ZFP62: variants seen among roughly 807,000 people sequenced by gnomAD.
ZFP62 encodes the protein ZFP62 zinc finger protein.
In ZFP62, 44 loss-of-function variants were observed where a neutral mutation model predicts 56.4. The ratio of observed to expected loss-of-function variants is 0.78; its 90% CI spans 0.61 to 1.00. ZFP62 has a LOEUF of 1.00. Among genes scored for constraint, ZFP62 ranks in the 50% least tolerant of loss-of-function variants. The pLI is 0.00. For missense variants in ZFP62, 1,030 were observed against 1,085.7 expected, an observed-to-expected ratio of 0.95 and a Z score of 0.72; for synonymous variants, 421 against 388.9, an observed-to-expected ratio of 1.08 and a Z score of -0.97.
At position 180,851,350 on chromosome 5, in the gene ZFP62, C is replaced by T. The variant is rs1581964415; in HGVS notation, c.145G>A (p.Val49Ile). The change falls in exon 2 of 2, where the codon GTA becomes ATA. Residue 49 changes from valine to isoleucine, a missense_variant. Physicochemically the swap from Val to Ile is conservative, Grantham distance 29 (BLOSUM62 3). Coordinates refer to ENST00000502412, the MANE Select transcript of ZFP62 (RefSeq NM_001172638.2). Reference sequence around the variant, plus strand: ...ACAGGCTTTTTCTGTTGATTCTCTACCTTGCTATCCCAAACACATGTGTCA... The same window carrying T: ...ACAGGCTTTTTCTGTTGATTCTCTATCTTGCTATCCCAAACACATGTGTCA... ...VGDTCVWDSK[V>I]ENQQKKPVEN... 1 of 1,551,672 alleles carries T rather than the reference C, an allele frequency of 6.4e-7. No homozygotes were observed. Among genetic ancestry groups the T allele is most frequent in the Non-Finnish European group, 8.7e-7 (1 of 1,146,988 alleles).
chr5:180,845,648 G>A (rs1306586434), downstream of ZFP62: 3 of 919,986 alleles, frequency 3.3e-6, no homozygotes, highest in Admixed American at 1.2e-4. Flanking sequence ...AGCTGGAGAA[G>A]AGAAATGAAG....
At chr5:180,833,469 ACT>A in the ZFP62 span, among the ~76,000 whole-genome samples, 14,179 of 138,082 alleles carry the variant, frequency 0.1, 746 homozygotes, top group South Asian at 0.11. Context: ...ATACGGTGAA[ACT>A]CTGTCTCAAA....
rs1361077963 is a variant in ZFP62, at chr5:180,861,207, G to C, written c.1+12C>G. The C allele has an allele frequency of 2.5e-6, 1 of 398,362 alleles. No homozygotes were observed. The highest frequency in any genetic ancestry group is 4.4e-6 in the Non-Finnish European group (1 of 225,846). 24.7% of individuals were successfully genotyped at this position (398,362 alleles called of 1,614,324 possible). ...CGGGGGCGGGAGCGCGGGCGGCCGC[G>C]GACTCACGTACTGGCTGTGGCGGCG... is the stretch of plus-strand genomic sequence containing the variant. On this transcript the variant is annotated intron_variant, in intron 1 of 1. Coordinates refer to ENST00000502412, the MANE Select transcript of ZFP62 (RefSeq NM_001172638.2).
the ZFP62 span, among the ~76,000 whole-genome samples, chr5:180,833,256 G>A: frequency 2.0e-5 from 3 of 151,968 alleles, no homozygotes; most frequent in Admixed American, 6.6e-5. Context: ...TGAGGTGGGC[G>A]GATCACGAGG....
At chr5:180,852,388 T>C (rs1466034362) in intron 1 of ZFP62, among the ~76,000 whole-genome samples, 1 of 152,052 alleles carries the variant, frequency 6.6e-6, no homozygotes, top group Non-Finnish European at 1.5e-5. Flanking sequence ...AAGCCGTCTC[T>C]AGTAAAAATA....
the ZFP62 span, chr5:180,830,793 C>G: frequency 2.6e-5 from 4 of 151,060 alleles, no homozygotes; most frequent in Non-Finnish European, 4.4e-5. Flanking sequence ...GGAAGAGGGT[C>G]CCGCGTGAAC....
At chr5:180,845,461 C>T (rs1329382976), downstream of ZFP62, among the ~76,000 whole-genome samples, 2 of 151,156 alleles carry the variant, frequency 1.3e-5, no homozygotes, top group Non-Finnish European at 2.9e-5. Flanking sequence ...GAGACCATGT[C>T]CTCGGCCACT....
Position 180,848,809 on chromosome 5 carries a change from T to C in ZFP62, c.2686A>G (p.Met896Val). 6.5e-7 allele frequency: 1 copy of C among 1,536,220 alleles called. No homozygotes were observed. The highest frequency in any genetic ancestry group is 1.2e-5 in the South Asian group (1 of 82,958). ...EGGNALDGGR[M>V]RMPL ...TCTGCCTGCTACAGAGGCATCCTCA[T>C]CCTGCCCCCATCCAGGGCATTCCCT... Residue 896 changes from methionine to valine, a missense_variant, in exon 2 of 2, where the codon ATG (methionine) becomes GTG (valine). Physicochemically the swap from Met to Val is conservative, Grantham distance 21 (BLOSUM62 1). Coordinates refer to ENST00000502412, the MANE Select transcript of ZFP62 (RefSeq NM_001172638.2).
the ZFP62 span, among the ~76,000 whole-genome samples, chr5:180,828,792 A>G: frequency 1.3e-5 from 2 of 152,234 alleles, no homozygotes; most frequent in African/African-American, 2.4e-5. Flanking sequence ...AAAAAGAGCC[A>G]TATTTTTCTT....
chr5:180,854,787 G>C (rs1773887138), intron 1 of ZFP62, among the ~76,000 whole-genome samples: 2 of 152,054 alleles, frequency 1.3e-5, no homozygotes, highest in Admixed American at 6.5e-5. Context: ...GAGAGAAGAG[G>C]GGGGACTGTA....
intron 1 of ZFP62, among the ~76,000 whole-genome samples, chr5:180,857,728 C>T (rs1343135586): frequency 6.6e-6 from 1 of 151,216 alleles, no homozygotes; most frequent in Admixed American, 6.6e-5. Flanking sequence ...AACGCCTGAC[C>T]TCAGGGGATC....
At chr5:180,858,762 AT>A (rs199992529) in intron 1 of ZFP62, among the ~76,000 whole-genome samples, 3,806 of 152,234 alleles carry the variant, frequency 0.025, 62 homozygotes, top group African/African-American at 0.039. Context: ...CAAGTAAGGA[AT>A]TACCCCCAAA....
Position 180,848,970 on chromosome 5 carries a change from C to T in ZFP62, c.2525G>A (p.Cys842Tyr), listed in dbSNP as rs1176841361. Residue 842 changes from cysteine (C) to tyrosine (Y), a missense_variant, in exon 2 of 2, where the codon TGT becomes TAT. Coordinates refer to ENST00000502412, the MANE Select transcript of ZFP62 (RefSeq NM_001172638.2). ...RIHTGKKPYR[C>Y]NECGKAFNIR... is the part of the protein sequence containing the mutation. ...ATTAAAAGCCTTACCACACTCATTA[C>T]ATCGGTATGGCTTCTTTCCAGTGTG... The T allele has an allele frequency of 6.4e-7, 1 of 1,551,764 alleles. No homozygotes were observed. Among genetic ancestry groups the T allele is most frequent in the Non-Finnish European group, 8.7e-7 (1 of 1,147,004 alleles).
chr5:180,841,268 CATATAT>C, the ZFP62 span, among the ~76,000 whole-genome samples: 1 of 148,312 alleles, frequency 6.7e-6, no homozygotes, highest in Non-Finnish European at 1.5e-5. Flanking sequence ...CACACACACA[CATATAT>C]ATATACATAC....
At chr5:180,846,197 T>C (rs930179328), downstream of ZFP62, among the ~76,000 whole-genome samples, 2 of 152,162 alleles carry the variant, frequency 1.3e-5, no homozygotes, top group Non-Finnish European at 2.9e-5. Context: ...GTAGGTACAC[T>C]TGAGGACCTG....
In ZFP62 at chr5:180,849,311, G is replaced by T. The variant is rs758339658; in HGVS notation, c.2184C>A (p.Pro728=). 2 of 1,552,198 alleles carry T rather than the reference G, an allele frequency of 1.3e-6. No homozygotes were observed. Among genetic ancestry groups the T allele is most frequent in the Non-Finnish European group, 1.7e-6 (2 of 1,147,206 alleles). The change falls in exon 2 of 2, where the codon CCC becomes CCA. Residue 728 remains proline (P), a synonymous_variant. Transcript: ENST00000502412. ...ATTTCCCACACTCAACACACTTGAA[G>T]GGTTTCTCCCCAAGATGGACTCTTT... ...SHKRVHLGEK[P]FKCVECGKSF... is the part of the protein sequence containing the mutation.
the ZFP62 span, among the ~76,000 whole-genome samples, chr5:180,839,191 C>T: frequency 6.6e-6 from 1 of 152,108 alleles, no homozygotes; most frequent in African/African-American, 2.4e-5. Flanking sequence ...AAACCAAAAG[C>T]GTATGTTTAG....
rs2113733460 is a variant in ZFP62 at position 180,861,247 on chromosome 5, C to A, written c.-28G>T. The A allele has an allele frequency of 7.5e-6, 3 of 397,812 alleles. No homozygotes were observed. The highest frequency in any genetic ancestry group is 1.3e-5 in the Non-Finnish European group (3 of 225,484). The allele number at this position is 397,812 out of a possible 1,614,324, so 24.6% of individuals were successfully genotyped here. On this transcript the variant is annotated 5_prime_UTR_variant, in exon 1 of 2. Transcript: ENST00000502412. ...CTGTGGCGGCGCCGCGGGAACCCGG[C>A]CGCCAGCGGGACAAAAGCGCGGACC...
the ZFP62 span, among the ~76,000 whole-genome samples, chr5:180,832,518 G>C: frequency 3.3e-5 from 5 of 152,186 alleles, no homozygotes; most frequent in Admixed American, 3.3e-4. Context: ...CCAAATTGTA[G>C]TAATCTGTTA....
Sources: gnomAD v4.1 joint callset for allele counts (sites outside exome capture counted in the v4.1 genomes callset) on GRCh38, gnomAD v4.1.1 for gene constraint, MANE v1.5 for transcripts, NCBI Gene and HGNC (gene_info 2026-07-23, HGNC 2026-07-21) for gene names.